MEGF6: variants seen among roughly 807,000 people sequenced by gnomAD.
MEGF6 encodes the protein multiple EGF like domains 6.
In MEGF6, 184 loss-of-function variants were observed where a neutral mutation model predicts 207.1. That is an observed-to-expected ratio of 0.89 (90% CI 0.79 to 1.00). The LOEUF (loss-of-function observed/expected upper bound fraction) is 1.00. MEGF6 is among the 50% of genes least tolerant of loss of function. The pLI is 0.00. For synonymous variants in MEGF6, 1,038 were observed against 910.0 expected, an observed-to-expected ratio of 1.14 and a Z score of -2.53; for missense variants, 2,282 against 2,202.9, an observed-to-expected ratio of 1.04 and a Z score of -0.72.
In MEGF6 at chr1:3,611,279, G is replaced by C. The variant is rs1176228678; in HGVS notation, c.-11C>G. The C allele has an allele frequency of 6.9e-7, 1 of 1,456,860 alleles. No individual in the cohort carries two copies. The highest frequency in any genetic ancestry group is 1.5e-5 in the African/African-American group (1 of 67,858). The allele number at this position is 1,456,860 out of a possible 1,614,324, so 90.2% of individuals were successfully genotyped here. A position where few individuals can be genotyped will look rare whatever the true frequency, so the allele number is the denominator to read the frequency against. ...TTCAAGGAACGACATCGTGCGCGCCGGTGCCTCCTCCGCTCTCCGGCTCAC... is the reference window on the plus strand; with the variant it reads ...TTCAAGGAACGACATCGTGCGCGCCCGTGCCTCCTCCGCTCTCCGGCTCAC... On this transcript the variant is annotated 5_prime_UTR_variant, in exon 1 of 37. Coordinates refer to ENST00000356575, the MANE Select transcript of MEGF6 (RefSeq NM_001409.4).
chr1:3,497,652 C>A, intron 26 of MEGF6: 1 of 596,850 alleles, frequency 1.7e-6, no homozygotes, highest in Non-Finnish European at 3.1e-6. Context: ...GGGCTGAGAG[C>A]TCAGCCTCTG....
chr1:3,545,010 A>G (rs1342819901), intron 4 of MEGF6, among the ~76,000 whole-genome samples: 2 of 152,110 alleles, frequency 1.3e-5, no homozygotes, highest in African/African-American at 4.8e-5. Context: ...GGGGGCATAT[A>G]CAAGGATCTT....
At chr1:3,499,505 G>A (rs1640758159) in intron 23 of MEGF6, 83 bp downstream of exon 23, 10 of 1,521,802 alleles carry the variant, frequency 6.6e-6, no homozygotes, top group Non-Finnish European at 8.8e-6. Context: ...AGACACTCAG[G>A]ACAGGTGGCA....
chr1:3,499,665 G>A lies in MEGF6; in HGVS notation c.2888C>T (p.Thr963Ile). ...CACGGCATCACAGGCAGCTCCGGCG[G>A]TGCAGTTGCAGGCACTGCGACAGTC... is the stretch of plus-strand genomic sequence containing the variant. ...GLDCRSACNCTAGAACDAVNG... is the reference protein window; with the variant it reads ...GLDCRSACNCIAGAACDAVNG... Residue 963 changes from threonine (T) to isoleucine (I), a missense_variant, in exon 23 of 37, where the codon ACC becomes ATC. Coordinates refer to ENST00000356575, the MANE Select transcript of MEGF6 (RefSeq NM_001409.4). The A allele has an allele frequency of 6.3e-7, 1 of 1,598,504 alleles. No individual in the cohort carries two copies. The highest frequency in any genetic ancestry group is 1.1e-5 in the South Asian group (1 of 88,654).
intron 2 of MEGF6, among the ~76,000 whole-genome samples, chr1:3,600,860 G>C (rs1335819107): frequency 6.6e-6 from 1 of 152,208 alleles, no homozygotes; most frequent in Non-Finnish European, 1.5e-5. Flanking sequence ...TCCCCCAGGA[G>C]CGGGGGCCAG....
chr1:3,538,111 C>A (rs750733369), intron 4 of MEGF6, among the ~76,000 whole-genome samples: 3 of 152,230 alleles, frequency 2.0e-5, no homozygotes, highest in Non-Finnish European at 4.4e-5. Flanking sequence ...CCATCCCATG[C>A]CACCCCGCCC....
chr1:3,526,478 A>G (rs1570055854), intron 4 of MEGF6, among the ~76,000 whole-genome samples: 1 of 149,960 alleles, frequency 6.7e-6, no homozygotes, highest in South Asian at 2.1e-4. Context: ...GCTCATTGCA[A>G]CCTCCACCTC....
At chr1:3,585,608 TGTGA>T (rs1363760421) in intron 3 of MEGF6, among the ~76,000 whole-genome samples, 37 of 138,178 alleles carry the variant, frequency 2.7e-4, no homozygotes, top group African/African-American at 5.1e-4. Flanking sequence ...TGTGTGTGGG[TGTGA>T]GTGACACATG....
chr1:3,618,697 C>T, the MEGF6 span, among the ~76,000 whole-genome samples: 1 of 152,192 alleles, frequency 6.6e-6, no homozygotes, highest in East Asian at 1.9e-4. This position sits in a 1 kb window ranked among gnomAD's most constrained non-coding sequence, Gnocchi z 4.7. Flanking sequence ...CAAGACACCA[C>T]CTGAGCGCTC....
intron 5 of MEGF6, 122 bp downstream of exon 5, chr1:3,524,002 G>T: frequency 8.7e-7 from 1 of 1,155,182 alleles, no homozygotes; most frequent in Non-Finnish European, 1.2e-6. Flanking sequence ...AGGAGCCACT[G>T]CCAGAGCGGC....
At chr1:3,580,572 C>A (rs560566027) in intron 3 of MEGF6, among the ~76,000 whole-genome samples, 1 of 151,094 alleles carries the variant, frequency 6.6e-6, no homozygotes, top group Non-Finnish European at 1.5e-5. Flanking sequence ...GAGAGAGGGG[C>A]GCCTTGTGGC....
At chr1:3,600,643 C>T (rs1265431971) in intron 2 of MEGF6, among the ~76,000 whole-genome samples, 1 of 152,198 alleles carries the variant, frequency 6.6e-6, no homozygotes, top group Non-Finnish European at 1.5e-5. Context: ...CGAGGCTGCA[C>T]AGCTGGATTC....
intron 17 of MEGF6, among the ~76,000 whole-genome samples, chr1:3,504,480 C>T (rs1211673119): frequency 6.6e-6 from 1 of 152,010 alleles, no homozygotes; most frequent in African/African-American, 2.4e-5. Flanking sequence ...CACCGTTGTC[C>T]TGGTTATTGC....
intron 4 of MEGF6, among the ~76,000 whole-genome samples, chr1:3,579,281 C>A (rs970880858): frequency 6.6e-6 from 1 of 152,232 alleles, no homozygotes; most frequent in African/African-American, 2.4e-5. Context: ...TCCCGTCACC[C>A]CAGTAGCTTG....
intron 5 of MEGF6, among the ~76,000 whole-genome samples, chr1:3,521,538 C>T (rs1158083508): frequency 6.6e-6 from 1 of 152,178 alleles, no homozygotes; most frequent in Non-Finnish European, 1.5e-5. Flanking sequence ...CTGGCTGGGT[C>T]CCTCAGCAAC....
chr1:3,570,008 G>A (rs1643451408), intron 4 of MEGF6, among the ~76,000 whole-genome samples: 1 of 152,218 alleles, frequency 6.6e-6, no homozygotes, highest in African/African-American at 2.4e-5. Flanking sequence ...AACAAACCTG[G>A]TAATTAAACA....
intron 24 of MEGF6, 152 bp from the exon 25 acceptor site, chr1:3,498,978 A>C: frequency 7.1e-7 from 1 of 1,401,208 alleles, no homozygotes; most frequent in Non-Finnish European, 9.6e-7. Context: ...CTCACTCCCC[A>C]TCCCTGCCTG....
chr1:3,613,484 G>C (rs1374960472), upstream of MEGF6, among the ~76,000 whole-genome samples: 1 of 152,210 alleles, frequency 6.6e-6, no homozygotes, highest in Admixed American at 6.5e-5. Context: ...TGTGTCAAGT[G>C]AATGAATTAA....
intron 9 of MEGF6, among the ~76,000 whole-genome samples, chr1:3,511,336 C>T (rs1375648152): frequency 6.6e-6 from 1 of 152,178 alleles, no homozygotes; most frequent in Non-Finnish European, 1.5e-5. Context: ...GGGTATGGGC[C>T]TGGCGGGCCG....
Sources: gnomAD v4.1 joint callset for allele counts (sites outside exome capture counted in the v4.1 genomes callset) on GRCh38, gnomAD v4.1.1 for gene constraint, Gnocchi (gnomAD v3.1) non-coding constraint, MANE v1.5 for transcripts, NCBI Gene and HGNC (gene_info 2026-07-23, HGNC 2026-07-21) for gene names.